Variants in APOBEC3G observed in about 807,000 individuals in gnomAD.
APOBEC3G encodes the protein apolipoprotein B mRNA editing enzyme catalytic subunit 3G.
In APOBEC3G, 44 loss-of-function variants were observed where a neutral mutation model predicts 50.0. The observed-to-expected ratio is 0.88, with a 90% CI of 0.69 to 1.13. The LOEUF (loss-of-function observed/expected upper bound fraction) is 1.13, where lower values mean the gene tolerates loss of function less well. Ranked by LOEUF, APOBEC3G falls within the 50% of genes most tolerant of loss-of-function variation. The pLI is 0.00. For missense variants in APOBEC3G, 469 were observed against 492.0 expected (o/e 0.95, Z 0.44); for synonymous variants, 156 against 175.3 (o/e 0.89, Z 0.87).
At chr22:39,086,631 C>T (rs1453720875) in intron 6 of APOBEC3G, 64 bp downstream of exon 6, 1 of 1,525,750 alleles carries the variant, frequency 6.6e-7, no homozygotes, top group Non-Finnish European at 8.8e-7. Flanking sequence ...CGGGAAGTTA[C>T]TAGAAAGTGG....
At chr22:39,077,185 G>T, upstream of APOBEC3G, 2 of 974,186 alleles carry the variant, frequency 2.1e-6, no homozygotes, top group Admixed American at 5.0e-5. Flanking sequence ...GACTGAGGAA[G>T]ATAAAGCGTC....
chr22:39,079,036 C>T lies in APOBEC3G; in HGVS notation c.122C>T (p.Thr41Ile). The T allele has an allele frequency of 6.2e-7, 1 of 1,614,204 alleles. No individual in the cohort carries two copies. Among genetic ancestry groups the T allele is most frequent in the South Asian group, 1.1e-5 (1 of 91,086 alleles). Residue 41 changes from threonine (T) to isoleucine (I), a missense_variant, in exon 2 of 8, where the codon ACA becomes ATA. Coordinates refer to ENST00000407997, the MANE Select transcript of APOBEC3G (RefSeq NM_021822.4). ...GTCTGGCTGTGCTACGAAGTGAAAA[C>T]AAAGGGTCCCTCAAGGCCCCCTTTG... is the stretch of plus-strand genomic sequence containing the variant. ...NTVWLCYEVK[T>I]KGPSRPPLDA...
At chr22:39,084,462 G>C (rs760947381) in intron 5 of APOBEC3G, among the ~76,000 whole-genome samples, 2 of 152,014 alleles carry the variant, frequency 1.3e-5, no homozygotes, top group African/African-American at 4.8e-5. Flanking sequence ...GGGAGGCAGA[G>C]CTTGCAGTGA....
At chr22:39,080,860 C>A in intron 2 of APOBEC3G, 73 bp from the exon 3 acceptor site, 1 of 1,175,716 alleles carries the variant, frequency 8.5e-7, no homozygotes, top group Non-Finnish European at 1.2e-6. Context: ...CTGGCCCCTC[C>A]TCCCCCTGCC....
intron 1 of APOBEC3G, 28 bp downstream of exon 1, chr22:39,077,406 C>T (rs1928203787): frequency 6.3e-7 from 1 of 1,576,802 alleles, no homozygotes; most frequent in South Asian, 1.2e-5. Flanking sequence ...ACCCACTGGG[C>T]CCCTCTGCTG....
intron 4 of APOBEC3G, 127 bp downstream of exon 4, chr22:39,081,712 T>C (rs1352957908): frequency 5.6e-6 from 4 of 714,730 alleles, no homozygotes; most frequent in Non-Finnish European, 9.5e-6. Flanking sequence ...TCCTGCCCCC[T>C]GCCTGCCCTC....
intron 5 of APOBEC3G, among the ~76,000 whole-genome samples, chr22:39,084,892 G>A (rs1569085784): frequency 6.6e-6 from 1 of 152,180 alleles, no homozygotes; most frequent in Non-Finnish European, 1.5e-5. Flanking sequence ...TGGCTGGAGA[G>A]GCCAAATTCT....
At chr22:39,083,911 G>T in intron 5 of APOBEC3G, 27 bp downstream of exon 5, 1 of 1,606,712 alleles carries the variant, frequency 6.2e-7, no homozygotes, top group Non-Finnish European at 8.5e-7. Flanking sequence ...CCCGCATCCA[G>T]GCAGGGCCCT....
At position 39,081,107 on chromosome 22, in the gene APOBEC3G, CT is replaced by C; in HGVS notation, c.347del (p.Leu116ArgfsTer34). ...CCTGGCCGAGGACCCGAAGGTTACC[CT>C]GACCATCTTTGTTGCCCGCCTCTAC... is the stretch of plus-strand genomic sequence containing the variant. ...TFLAEDPKVTLTIFVARLYYF... is the reference protein window; with the variant it reads ...TFLAEDPKVTXTIFVARLYYF... On this transcript the variant is annotated frameshift_variant, in exon 3 of 8. Transcript: ENST00000407997. LOFTEE classifies it high-confidence loss of function. The C allele has an allele frequency of 6.2e-7, 1 of 1,614,232 alleles. No individual in the cohort carries two copies. The highest frequency in any genetic ancestry group is 8.5e-7 in the Non-Finnish European group (1 of 1,180,038).
intron 1 of APOBEC3G, among the ~76,000 whole-genome samples, chr22:39,077,730 G>C (rs1928224706): frequency 2.0e-5 from 3 of 152,248 alleles, no homozygotes. Context: ...ACCAAAGGAT[G>C]AGTAGAGCAA....
chr22:39,077,190 A>T, upstream of APOBEC3G: 1 of 1,035,338 alleles, frequency 9.7e-7, no homozygotes, highest in Non-Finnish European at 1.4e-6. Context: ...AGGAAGATAA[A>T]GCGTCCCAGG....
At chr22:39,084,634 C>T (rs1413676387) in intron 5 of APOBEC3G, among the ~76,000 whole-genome samples, 4 of 152,196 alleles carry the variant, frequency 2.6e-5, no homozygotes, top group African/African-American at 9.7e-5. Flanking sequence ...CAGGGCCTAC[C>T]TGACCTCACA....
chr22:39,086,951 C>A, intron 6 of APOBEC3G, 60 bp from the exon 7 acceptor site: 1 of 1,544,720 alleles, frequency 6.5e-7, no homozygotes, highest in Non-Finnish European at 8.8e-7. Context: ...AGTCATGGGC[C>A]TTTGGTGCCA....
chr22:39,086,264 T>G lies in APOBEC3G; in HGVS notation c.736-15T>G, dbSNP rs1928683997. ...AAAAAAAAAAGATTACCTCATGGCTTGCTTTCTTTTCTAGGCTCCACATAA... is the reference window on the plus strand; with the variant it reads ...AAAAAAAAAAGATTACCTCATGGCTGGCTTTCTTTTCTAGGCTCCACATAA... On this transcript the variant is annotated splice_polypyrimidine_tract_variant and intron_variant, in intron 5 of 7. Transcript: ENST00000407997. The G allele has an allele frequency of 3.2e-6, 5 of 1,550,282 alleles. No individual in the cohort carries two copies. The highest frequency in any genetic ancestry group is 4.3e-6 in the Non-Finnish European group (5 of 1,150,198).
chr22:39,085,360 G>T (rs1013300028), intron 5 of APOBEC3G, among the ~76,000 whole-genome samples: 1 of 152,124 alleles, frequency 6.6e-6, no homozygotes, highest in African/African-American at 2.4e-5. Context: ...TCACAGAAGG[G>T]GTGGGGCAAG....
intron 3 of APOBEC3G, 120 bp downstream of exon 3, chr22:39,081,347 C>A: frequency 6.5e-7 from 1 of 1,540,706 alleles, no homozygotes; most frequent in Admixed American, 1.8e-5. Context: ...CCCAGGGGAG[C>A]CTGTGGGGTT....
rs142924244 is a variant in APOBEC3G at position 39,081,005 on chromosome 22, C to G, written c.244C>G (p.Arg82Gly). Reference protein sequence around the residue: ...HWFSKWRKLHRDQEYEVTWYI... With the variant: ...HWFSKWRKLHGDQEYEVTWYI... ...GTTCAGCAAGTGGAGGAAGCTGCAT[C>G]GTGACCAGGAGTATGAGGTCACCTG... Residue 82 changes from arginine (R) to glycine (G), a missense_variant, in exon 3 of 8, where the codon CGT becomes GGT. By Grantham distance (125) the Arg-to-Gly change is moderately radical. Transcript: ENST00000407997. 44 of 1,614,104 alleles carry G rather than the reference C, an allele frequency of 2.7e-5. No homozygotes were observed. The highest frequency in any genetic ancestry group is 3.7e-5 in the Non-Finnish European group (44 of 1,180,020).
intron 1 of APOBEC3G, among the ~76,000 whole-genome samples, chr22:39,077,653 G>A (rs1203263874): frequency 6.6e-6 from 1 of 152,200 alleles, no homozygotes; most frequent in Non-Finnish European, 1.5e-5. Flanking sequence ...TGGTGCTCCC[G>A]GCCCTGGGAG....
At chr22:39,080,640 AG>A (rs2146294320) in intron 2 of APOBEC3G, 1 of 400,488 alleles carries the variant, frequency 2.5e-6, no homozygotes, top group African/African-American at 2.0e-5. Flanking sequence ...AGACAGAAAG[AG>A]GGGCTGAAGT....
Sources: allele counts gnomAD v4.1 joint callset (sites outside exome capture counted in the v4.1 genomes callset), GRCh38; gene constraint gnomAD v4.1.1; transcripts MANE v1.5; gene names NCBI Gene and HGNC (gene_info 2026-07-23, HGNC 2026-07-21).